Variants in ABLIM1 observed in about 807,000 individuals in gnomAD.
The protein encoded by ABLIM1 is actin-binding LIM protein 1.
In ABLIM1, 40 loss-of-function variants were observed where a neutral mutation model predicts 107.0. That is an observed-to-expected ratio of 0.37 (90% CI 0.29 to 0.49). The LOEUF is 0.49. Among genes scored for constraint, ABLIM1 ranks in the 20% least tolerant of loss-of-function variants. The pLI is 0.97. For synonymous variants in ABLIM1, 357 were observed against 357.3 expected (o/e 1.00, Z 0.01); for missense variants, 857 against 1,008.5 (o/e 0.85, Z 2.04).
At chr10:114,749,937 T>C (rs1421504839) in intron 1 of ABLIM1, among the ~76,000 whole-genome samples, 2 of 152,196 alleles carry the variant, frequency 1.3e-5, no homozygotes, top group Non-Finnish European at 1.5e-5. Flanking sequence ...ATCCCTGCTT[T>C]GTTTTCTCCA....
At chr10:114,673,642 T>G (rs1167907592) in intron 1 of ABLIM1, among the ~76,000 whole-genome samples, 1 of 152,242 alleles carries the variant, frequency 6.6e-6, no homozygotes, top group African/African-American at 2.4e-5. Flanking sequence ...GAGGTCTTCC[T>G]GGATGCCCCA....
At chr10:114,544,498 C>T (rs141738803) in intron 6 of ABLIM1, among the ~76,000 whole-genome samples, 18 of 152,302 alleles carry the variant, frequency 1.2e-4, no homozygotes, top group East Asian at 1.2e-3. Context: ...AGCTCAGCCC[C>T]GGCCACAGGG....
chr10:114,701,502 C>A (rs2081306786), intron 1 of ABLIM1, among the ~76,000 whole-genome samples: 1 of 152,004 alleles, frequency 6.6e-6, no homozygotes, highest in Admixed American at 6.6e-5. Flanking sequence ...TAGTAAATAG[C>A]TATAAACAAC....
chr10:114,602,181 A>C (rs756522902), intron 1 of ABLIM1, among the ~76,000 whole-genome samples: 1 of 152,182 alleles, frequency 6.6e-6, no homozygotes, highest in Non-Finnish European at 1.5e-5. Context: ...CGTGTTCCTC[A>C]ATGGAGCCTG....
At chr10:114,695,878 G>A (rs2081184319) in intron 1 of ABLIM1, among the ~76,000 whole-genome samples, 1 of 152,102 alleles carries the variant, frequency 6.6e-6, no homozygotes, top group Non-Finnish European at 1.5e-5. Flanking sequence ...CAGTTTCTTT[G>A]GGAAAACAGA....
chr10:114,544,500 G>A (rs1354550160), intron 6 of ABLIM1, among the ~76,000 whole-genome samples: 1 of 152,174 alleles, frequency 6.6e-6, no homozygotes, highest in Non-Finnish European at 1.5e-5. Context: ...CTCAGCCCCG[G>A]CCACAGGGTG....
At chr10:114,482,687 T>C (rs2057557726) in intron 8 of ABLIM1, among the ~76,000 whole-genome samples, 1 of 152,192 alleles carries the variant, frequency 6.6e-6, no homozygotes, top group Admixed American at 6.5e-5. Flanking sequence ...ACTTCATTGA[T>C]AGTTACAGCT....
At chr10:114,529,135 T>G (rs895213757) in intron 6 of ABLIM1, among the ~76,000 whole-genome samples, 1 of 151,756 alleles carries the variant, frequency 6.6e-6, no homozygotes, top group Admixed American at 6.6e-5. Context: ...TCTTTTTTTT[T>G]TTTTTTTTGA....
chr10:114,528,551 C>T (rs1202981193), intron 6 of ABLIM1, among the ~76,000 whole-genome samples: 1 of 152,124 alleles, frequency 6.6e-6, no homozygotes, highest in Non-Finnish European at 1.5e-5. Flanking sequence ...TCAGAAACCT[C>T]CATCAATGTG....
intron 1 of ABLIM1, among the ~76,000 whole-genome samples, chr10:114,644,554 T>C (rs1238414871): frequency 3.9e-5 from 6 of 151,934 alleles, no homozygotes; most frequent in African/African-American, 7.3e-5. Flanking sequence ...GTCCCTGCTC[T>C]ACCCATCTTG....
chr10:114,577,003 C>G (rs1349442211), intron 2 of ABLIM1, among the ~76,000 whole-genome samples: 1 of 152,194 alleles, frequency 6.6e-6, no homozygotes, highest in Non-Finnish European at 1.5e-5. Context: ...CCAGATGAGT[C>G]CTGTGGGTCA....
intron 2 of ABLIM1, among the ~76,000 whole-genome samples, chr10:114,585,941 C>T (rs1002972017): frequency 1.3e-5 from 2 of 152,194 alleles, no homozygotes; most frequent in Admixed American, 1.3e-4. Context: ...ACTTCTTATG[C>T]TTTATGTCTT....
At chr10:114,714,478 C>T (rs186774574) in intron 1 of ABLIM1, among the ~76,000 whole-genome samples, 2 of 152,322 alleles carry the variant, frequency 1.3e-5, no homozygotes, top group Non-Finnish European at 2.9e-5. Flanking sequence ...TTGAAAGCCG[C>T]ACTTGAGAAA....
chr10:114,471,605 C>T (rs919389926), intron 10 of ABLIM1, among the ~76,000 whole-genome samples: 1 of 151,714 alleles, frequency 6.6e-6, no homozygotes, highest in Admixed American at 6.6e-5. Context: ...ACCTTTTCCA[C>T]GCAGAGCTAT....
chr10:114,738,377 A>G (rs2082224449), intron 1 of ABLIM1, among the ~76,000 whole-genome samples: 1 of 152,222 alleles, frequency 6.6e-6, no homozygotes, highest in Non-Finnish European at 1.5e-5. Context: ...TCAATAATCA[A>G]AAAATGATGC....
intron 1 of ABLIM1, among the ~76,000 whole-genome samples, chr10:114,634,112 C>T (rs1303806948): frequency 1.4e-5 from 2 of 143,166 alleles, no homozygotes; most frequent in African/African-American, 5.3e-5. Flanking sequence ...ATCGTAAATG[C>T]CATTAGCTCA....
chr10:114,648,025 G>A (rs1566173121), intron 1 of ABLIM1, among the ~76,000 whole-genome samples: 1 of 152,180 alleles, frequency 6.6e-6, no homozygotes, highest in Non-Finnish European at 1.5e-5. Context: ...GGGAAAACTG[G>A]TTATTTCACT....
intron 1 of ABLIM1, among the ~76,000 whole-genome samples, chr10:114,723,073 G>A (rs533398179): frequency 2.0e-5 from 3 of 152,176 alleles, no homozygotes; most frequent in South Asian, 2.1e-4. Flanking sequence ...AGCTCAGTGC[G>A]CAGCCACAGA....
chr10:114,631,983 C>G (rs1256994132), intron 1 of ABLIM1: 3 of 1,301,062 alleles, frequency 2.3e-6, no homozygotes, highest in African/African-American at 1.5e-5. Flanking sequence ...GGAGTGGAAG[C>G]GCGCCTCGGC....
Sources: allele counts gnomAD v4.1 joint callset (sites outside exome capture counted in the v4.1 genomes callset), GRCh38; gene constraint gnomAD v4.1.1; transcripts MANE v1.5; gene names NCBI Gene and HGNC (gene_info 2026-07-23, HGNC 2026-07-21).